The following DPP6 variants were observed in gnomAD, a reference collection of about 807,000 sequenced individuals.
DPP6 encodes A-type potassium channel modulatory protein DPP6.
In DPP6, 69 loss-of-function variants were observed where a neutral mutation model predicts 122.6. That is an observed-to-expected ratio of 0.56 (90% CI 0.46 to 0.69). The LOEUF is 0.69. Among genes scored for constraint, DPP6 ranks in the 30% least tolerant of loss-of-function variants. The pLI, the probability that DPP6 is intolerant of heterozygous loss-of-function variation, is 0.00. For synonymous variants in DPP6, 418 were observed against 433.1 expected, an observed-to-expected ratio of 0.97 and a Z score of 0.43; for missense variants, 928 against 1,116.9, an observed-to-expected ratio of 0.83 and a Z score of 2.41.
At chr7:154,794,610 G>A (rs994198839) in intron 11 of DPP6, among the ~76,000 whole-genome samples, 2 of 152,356 alleles carry the variant, frequency 1.3e-5, no homozygotes, top group East Asian at 1.9e-4. Context: ...GGCTCCAGGC[G>A]TGCGTCCCTC....
At chr7:153,929,601 G>A (rs547543882) in intron 1 of DPP6, among the ~76,000 whole-genome samples, 3 of 152,034 alleles carry the variant, frequency 2.0e-5, no homozygotes, top group Admixed American at 6.6e-5. Flanking sequence ...GGAAAGTACA[G>A]ACTTGTCAAG....
intron 5 of DPP6, among the ~76,000 whole-genome samples, chr7:154,572,104 C>A (rs1831147474): frequency 6.6e-6 from 1 of 152,136 alleles, no homozygotes; most frequent in South Asian, 2.1e-4. Context: ...AGATGGTTTG[C>A]TGCTGAGCTT....
chr7:153,988,862 C>CG (rs570033612), intron 1 of DPP6, among the ~76,000 whole-genome samples: 1 of 150,828 alleles, frequency 6.6e-6, no homozygotes, highest in South Asian at 2.1e-4. Context: ...ACTTAAAAAA[C>CG]GAAGAGTCAG....
rs73728634 is a variant in DPP6 at position 154,874,610 on chromosome 7, C to T, written c.1884-1296C>T. 9.2e-3 allele frequency among the ~76,000 whole-genome samples: 1,398 copies of T among 152,358 alleles called. 22 individuals are homozygous for T. The highest frequency in any genetic ancestry group is 0.032 in the African/African-American group (1,334 of 41,574). On this transcript the variant is annotated intron_variant, in intron 19 of 25. Coordinates refer to ENST00000377770, the MANE Select transcript of DPP6 (RefSeq NM_130797.4). ...GGACCCTAAGCATGCAGCACTCGAGCGCGCCGCTCCTGGCCCGCTCCTCCT... is the reference window on the plus strand; with the variant it reads ...GGACCCTAAGCATGCAGCACTCGAGTGCGCCGCTCCTGGCCCGCTCCTCCT...
the DPP6 span, among the ~76,000 whole-genome samples, chr7:153,817,196 G>A: frequency 2.0e-5 from 3 of 148,578 alleles, no homozygotes; most frequent in African/African-American, 7.4e-5. Flanking sequence ...ATTTAGGGGT[G>A]TATATAGCAG....
chr7:154,135,546 C>T (rs2150645945), intron 1 of DPP6, among the ~76,000 whole-genome samples: 1 of 152,100 alleles, frequency 6.6e-6, no homozygotes, highest in South Asian at 2.1e-4. Flanking sequence ...TGAGCATACA[C>T]TTTCTGTGCA....
intron 2 of DPP6, among the ~76,000 whole-genome samples, chr7:154,459,819 A>AG (rs1432836951): frequency 6.7e-6 from 1 of 149,966 alleles, no homozygotes; most frequent in Non-Finnish European, 1.5e-5. Flanking sequence ...AAAAAAAAAA[A>AG]AAAAAGAAAA....
At chr7:154,108,589 C>A (rs1280886883) in intron 1 of DPP6, among the ~76,000 whole-genome samples, 1 of 152,196 alleles carries the variant, frequency 6.6e-6, no homozygotes, top group African/African-American at 2.4e-5. Flanking sequence ...AACTTGTGAG[C>A]TGAACTTAAT....
chr7:154,470,370 C>T (rs966839797), intron 2 of DPP6, among the ~76,000 whole-genome samples: 4 of 152,094 alleles, frequency 2.6e-5, no homozygotes, highest in Non-Finnish European at 5.9e-5. Flanking sequence ...TCAGTTATTC[C>T]AAATTGCTCA....
Position 154,241,391 on chromosome 7 carries a change from T to G in DPP6, c.243+188328T>G, listed in dbSNP as rs2150875039. On this transcript the variant is annotated intron_variant, in intron 1 of 25. Transcript: ENST00000377770. The surrounding 1 kb of genome is among the most constrained non-coding windows in gnomAD (Gnocchi z 9.0). Reference sequence around the variant, plus strand: ...TTCTCAGTGTTTTTAAAGATCCCATTCTGGCAGGTCATGGTGACTCACACC... The same window carrying G: ...TTCTCAGTGTTTTTAAAGATCCCATGCTGGCAGGTCATGGTGACTCACACC... 6.6e-6 allele frequency among the ~76,000 whole-genome samples: 1 copy of G among 152,118 alleles called. No individual in the cohort carries two copies. Among genetic ancestry groups the G allele is most frequent in the South Asian group, 2.1e-4 (1 of 4,818 alleles).
the DPP6 span, among the ~76,000 whole-genome samples, chr7:153,823,958 C>T: frequency 5.9e-5 from 9 of 152,096 alleles, no homozygotes; most frequent in Non-Finnish European, 1.3e-4. Context: ...TAACTTCATC[C>T]CTCTTGATTT....
chr7:154,658,390 A>G (rs1013429582), intron 6 of DPP6, among the ~76,000 whole-genome samples: 20 of 152,234 alleles, frequency 1.3e-4, no homozygotes, highest in Non-Finnish European at 1.5e-4. Flanking sequence ...AGAAAAGTTT[A>G]CCAGGAAGGT....
At chr7:153,966,940 G>T (rs1057331709) in intron 1 of DPP6, among the ~76,000 whole-genome samples, 3 of 151,412 alleles carry the variant, frequency 2.0e-5, no homozygotes, top group Non-Finnish European at 2.9e-5. Flanking sequence ...AGTGTCATCT[G>T]CCTGTAGTCC....
intron 1 of DPP6, among the ~76,000 whole-genome samples, chr7:154,012,266 T>G (rs1336062677): frequency 6.6e-6 from 1 of 152,220 alleles, no homozygotes; most frequent in Non-Finnish European, 1.5e-5. Flanking sequence ...ATCAAAGATC[T>G]AAATTAAAAA....
At chr7:154,431,456 CTTT>C in intron 1 of DPP6, among the ~76,000 whole-genome samples, 4 of 8,750 alleles carry the variant, frequency 4.6e-4, no homozygotes, top group Non-Finnish European at 7.5e-4. Flanking sequence ...CTTTTCTTTT[CTTT>C]TCTTTTCTTT....
chr7:153,791,424 C>CTTTTTTTTTTTTTTT, the DPP6 span, among the ~76,000 whole-genome samples: 148 of 91,622 alleles, frequency 1.6e-3, 26 homozygotes, highest in East Asian at 0.011. Context: ...TCCTTCCTTT[C>CTTTTTTTTTTTTTTT]TTTTTTTTTT....
At chr7:154,801,184 C>T (rs1045648261) in intron 12 of DPP6, among the ~76,000 whole-genome samples, 171 bp from the exon 13 acceptor site, 19 of 152,080 alleles carry the variant, frequency 1.2e-4, no homozygotes, top group African/African-American at 4.6e-4. Context: ...TAACAGTTGA[C>T]TCATGATTCC....
At chr7:154,666,107 C>T (rs1031488472) in intron 6 of DPP6, among the ~76,000 whole-genome samples, 5 of 151,056 alleles carry the variant, frequency 3.3e-5, no homozygotes, top group African/African-American at 1.2e-4. Flanking sequence ...ACAAAAGACT[C>T]GATTCATATA....
intron 5 of DPP6, among the ~76,000 whole-genome samples, chr7:154,578,446 A>G (rs1831822603): frequency 6.6e-6 from 1 of 152,198 alleles, no homozygotes; most frequent in Middle Eastern, 3.2e-3. Flanking sequence ...TTGAGCATTG[A>G]GAGAACCTTG....
Sources: allele counts gnomAD v4.1 joint callset (sites outside exome capture counted in the v4.1 genomes callset), GRCh38; gene constraint gnomAD v4.1.1; non-coding constraint Gnocchi (gnomAD v3.1); transcripts MANE v1.5; gene names NCBI Gene and HGNC (gene_info 2026-07-23, HGNC 2026-07-21).